The following SHANK2 variants were observed in gnomAD, a reference collection of about 807,000 sequenced individuals.
The protein encoded by SHANK2 is SH3 and multiple ankyrin repeat domains protein 2.
A neutral mutation model predicts 133.7 loss-of-function variants in SHANK2; 43 were observed. The observed-to-expected ratio is 0.32, with a 90% CI of 0.25 to 0.41. SHANK2 has a LOEUF of 0.41. Ranked by LOEUF, SHANK2 falls within the 10% of genes least tolerant of loss-of-function variation. The probability of loss-of-function intolerance (pLI) is 1.00; values close to 1 mark genes in which losing one functional copy is unlikely to be tolerated. For missense variants in SHANK2, 1,994 were observed against 2,235.8 expected, an observed-to-expected ratio of 0.89 and a Z score of 2.18; for synonymous variants, 1,017 against 952.8, an observed-to-expected ratio of 1.07 and a Z score of -1.24.
Position 70,492,424 on chromosome 11 carries a change from C to A in SHANK2, c.2350G>T (p.Ala784Ser), listed in dbSNP as rs372333144. 8.7e-6 allele frequency: 14 copies of A among 1,613,828 alleles called. No homozygotes were observed. The African/African-American group carries it at 1.7e-4, about 20-fold the overall frequency. The part of the protein sequence containing the change: ...EIVPASKPSR[A>S]AENMAVEPRV... Reference sequence around the variant, plus strand: ...GGTTCCACAGCCATGTTCTCAGCAGCGCGGGAGGGCTTGGAGGCCGGGACT... The same window carrying A: ...GGTTCCACAGCCATGTTCTCAGCAGAGCGGGAGGGCTTGGAGGCCGGGACT... The change falls in exon 22 of 26, where the codon GCT (alanine) becomes TCT (serine). Residue 784 changes from alanine (A) to serine (S), a missense_variant. By Grantham distance (99) the Ala-to-Ser change is moderately conservative (BLOSUM62 1). Coordinates refer to ENST00000601538, the MANE Select transcript of SHANK2 (RefSeq NM_012309.5).
chr11:70,553,029 C>G (rs564049129), intron 17 of SHANK2, among the ~76,000 whole-genome samples: 23 of 152,268 alleles, frequency 1.5e-4, no homozygotes, highest in Non-Finnish European at 2.8e-4. Flanking sequence ...TGTCCAAATC[C>G]CCTCTTAAGG....
intron 17 of SHANK2, among the ~76,000 whole-genome samples, chr11:70,552,297 C>A (rs2059780223): frequency 6.6e-6 from 1 of 152,180 alleles, no homozygotes; most frequent in Admixed American, 6.5e-5. Flanking sequence ...TGAGAGAATG[C>A]CTGGGCGCCT....
intron 2 of SHANK2, among the ~76,000 whole-genome samples, chr11:71,200,773 G>C (rs1044131890): frequency 2.6e-5 from 4 of 150,970 alleles, no homozygotes; most frequent in African/African-American, 9.8e-5. Flanking sequence ...TTCACACCAT[G>C]GTCAGATGTG....
chr11:71,218,288 G>A (rs1400672040), intron 2 of SHANK2, among the ~76,000 whole-genome samples: 2 of 116,100 alleles, frequency 1.7e-5, no homozygotes, highest in Admixed American at 1.9e-4. Context: ...TTTTGAGATG[G>A]AGTTTTGCTC....
At chr11:70,838,921 AG>A (rs1310514801) in intron 11 of SHANK2, among the ~76,000 whole-genome samples, 1 of 152,140 alleles carries the variant, frequency 6.6e-6, no homozygotes, top group Non-Finnish European at 1.5e-5. Context: ...GGGCCTTACA[AG>A]GGTGGGGGGC....
intron 14 of SHANK2, among the ~76,000 whole-genome samples, chr11:70,733,161 G>A (rs1397536230): frequency 2.0e-5 from 3 of 152,160 alleles, no homozygotes; most frequent in African/African-American, 7.2e-5. Context: ...AGAGGACTTT[G>A]CTTGAAGCGT....
In SHANK2 at chr11:70,627,171, C is replaced by T. The variant is rs138927710; in HGVS notation, c.2061+32657G>A. Among the ~76,000 whole-genome samples, 262 of 152,304 alleles carry T rather than the reference C, an allele frequency of 1.7e-3. 3 individuals are homozygous for T. The highest frequency in any genetic ancestry group is 2.1e-3 in the Admixed American group (32 of 15,302). ...ATATTAGAGTTGTTCCCCAAAATTC[C>T]GATTTTCCTCCTTCTTGGGCACACA... On this transcript the variant is annotated intron_variant, in intron 17 of 25. Transcript: ENST00000601538.
chr11:71,236,643 G>T (rs1049986880), intron 1 of SHANK2, among the ~76,000 whole-genome samples: 14 of 152,208 alleles, frequency 9.2e-5, no homozygotes, highest in Non-Finnish European at 1.3e-4. Flanking sequence ...GCAAGAGACC[G>T]CCTATGGGCC....
chr11:71,213,620 C>T (rs1954332879), intron 2 of SHANK2, among the ~76,000 whole-genome samples: 1 of 152,164 alleles, frequency 6.6e-6, no homozygotes, highest in South Asian at 2.1e-4. Context: ...CTCTGAGGGT[C>T]TCCTTCTGAT....
chr11:70,617,305 ATGTGTG>A (rs34433990), intron 17 of SHANK2, among the ~76,000 whole-genome samples: 1 of 149,486 alleles, frequency 6.7e-6, no homozygotes, highest in African/African-American at 2.5e-5. Flanking sequence ...CTGAGAGAGT[ATGTGTG>A]TGTGTGTGTG....
chr11:70,473,145 C>A lies in SHANK2; in HGVS notation c.5274G>T (p.Ala1758=). 6.2e-7 allele frequency: 1 copy of A among 1,614,200 alleles called. No individual in the cohort carries two copies. The highest frequency in any genetic ancestry group is 1.7e-5 in the Admixed American group (1 of 60,020). The part of the protein sequence containing the change: ...PSGDLFGLNP[A]GRSRSPSPSI... ...AGGGGGATGGCGACCTACTGCGTCCCGCTGGGTTCAAGCCAAATAGATCCC... is the reference window on the plus strand; with the variant it reads ...AGGGGGATGGCGACCTACTGCGTCCAGCTGGGTTCAAGCCAAATAGATCCC... The change falls in exon 26 of 26, where the codon GCG becomes GCT. Residue 1758 remains alanine (A), a synonymous_variant. Transcript: ENST00000601538. The surrounding 1 kb of genome is among the most constrained non-coding windows in gnomAD (Gnocchi z 5.9).
intron 17 of SHANK2, among the ~76,000 whole-genome samples, chr11:70,548,702 T>C (rs1450214227): frequency 6.6e-6 from 1 of 152,192 alleles, no homozygotes; most frequent in East Asian, 1.9e-4. Flanking sequence ...CCCCCAAACC[T>C]ATGTCCATGT....
intron 4 of SHANK2, among the ~76,000 whole-genome samples, chr11:71,116,819 G>A (rs184753194): frequency 6.1e-4 from 93 of 152,138 alleles, no homozygotes; most frequent in African/African-American, 1.9e-3. Flanking sequence ...GTTAGTTCAC[G>A]GGGGAGCCAG....
At chr11:70,636,105 C>A (rs1368324088) in intron 17 of SHANK2, among the ~76,000 whole-genome samples, 6 of 152,276 alleles carry the variant, frequency 3.9e-5, no homozygotes, top group African/African-American at 1.2e-4. Flanking sequence ...CCTTGGGGAG[C>A]CTTCCCTGAC....
intron 2 of SHANK2, among the ~76,000 whole-genome samples, chr11:71,186,744 A>G (rs1953680145): frequency 6.6e-6 from 1 of 152,336 alleles, no homozygotes; most frequent in South Asian, 2.1e-4. Context: ...GTGGCACATT[A>G]TTTCTGTGAA....
chr11:70,679,745 C>T (rs984049719), intron 15 of SHANK2, among the ~76,000 whole-genome samples: 10 of 152,206 alleles, frequency 6.6e-5, no homozygotes, highest in African/African-American at 2.2e-4. Context: ...ATGTCTGTGG[C>T]CTGAGCAACA....
chr11:71,191,779 G>A (rs1338149105), intron 2 of SHANK2, among the ~76,000 whole-genome samples: 3 of 151,726 alleles, frequency 2.0e-5, no homozygotes, highest in East Asian at 1.9e-4. Context: ...GGCTGGTCTC[G>A]AACTCCTGGC....
intron 17 of SHANK2, among the ~76,000 whole-genome samples, chr11:70,575,119 G>A (rs1554983957): frequency 6.6e-6 from 1 of 152,144 alleles, no homozygotes; most frequent in African/African-American, 2.4e-5. Context: ...TGCTCTGGGT[G>A]GGGACAAGGA....
At chr11:70,900,483 C>G (rs1950007664) in intron 10 of SHANK2, among the ~76,000 whole-genome samples, 1 of 152,168 alleles carries the variant, frequency 6.6e-6, no homozygotes, top group Non-Finnish European at 1.5e-5. Flanking sequence ...GTCAGATACA[C>G]ACAAGTGCAC....
Sources: allele counts gnomAD v4.1 joint callset (sites outside exome capture counted in the v4.1 genomes callset), GRCh38; gene constraint gnomAD v4.1.1; non-coding constraint Gnocchi (gnomAD v3.1); transcripts MANE v1.5; gene names NCBI Gene and HGNC (gene_info 2026-07-23, HGNC 2026-07-21).